SPMIP2: variants seen among roughly 807,000 people sequenced by gnomAD.
The protein encoded by SPMIP2 is protein SPMIP2.
chr4:158,915,700 T>G, the SPMIP2 span, among the ~76,000 whole-genome samples: 1 of 152,204 alleles, frequency 6.6e-6, no homozygotes, highest in Non-Finnish European at 1.5e-5. Flanking sequence ...CCATGTGATC[T>G]CCTGAAGGAC....
the SPMIP2 span, among the ~76,000 whole-genome samples, chr4:158,943,858 C>CTTTCTTTTTT: frequency 1.1e-4 from 11 of 101,912 alleles, no homozygotes; most frequent in African/African-American, 4.3e-4. Context: ...TTGACATTTT[C>CTTTCTTTTTT]TTTTTTTTTT....
chr4:158,918,313 G>C, the SPMIP2 span, among the ~76,000 whole-genome samples: 3 of 152,322 alleles, frequency 2.0e-5, no homozygotes, highest in African/African-American at 7.2e-5. Context: ...AGGCAGCTAT[G>C]TAGGACTGGA....
chr4:158,989,097 AACAG>A, the SPMIP2 span, among the ~76,000 whole-genome samples: 2 of 152,244 alleles, frequency 1.3e-5, no homozygotes, highest in East Asian at 1.9e-4. Context: ...ATAACAGACA[AACAG>A]ACAGCCAAAT....
the SPMIP2 span, among the ~76,000 whole-genome samples, chr4:158,920,533 T>C: frequency 3.8e-3 from 574 of 152,294 alleles, 4 homozygotes; most frequent in African/African-American, 0.013. Context: ...TGAGTGTCTG[T>C]CTTATGCGGT....
the SPMIP2 span, among the ~76,000 whole-genome samples, chr4:159,047,369 T>C: frequency 1.5e-5 from 2 of 135,456 alleles, no homozygotes; most frequent in African/African-American, 5.1e-5. Flanking sequence ...GCAAGACTTT[T>C]CTTGATTAAT....
chr4:159,000,010 A>C, the SPMIP2 span, among the ~76,000 whole-genome samples: 1 of 152,162 alleles, frequency 6.6e-6, no homozygotes, highest in African/African-American at 2.4e-5. Context: ...TTCCTTGGTT[A>C]ACTTCAATTT....
chr4:159,066,205 C>T, the SPMIP2 span, among the ~76,000 whole-genome samples: 1 of 152,060 alleles, frequency 6.6e-6, no homozygotes, highest in Non-Finnish European at 1.5e-5. Flanking sequence ...AAACATTTTG[C>T]CATAAAACAC....
chr4:159,040,936 A>C, the SPMIP2 span, among the ~76,000 whole-genome samples: 2 of 152,318 alleles, frequency 1.3e-5, no homozygotes, highest in African/African-American at 4.8e-5. Context: ...GGGATAATGG[A>C]TGTAAAGTGC....
the SPMIP2 span, among the ~76,000 whole-genome samples, chr4:158,964,249 G>A: frequency 6.6e-6 from 1 of 152,188 alleles, no homozygotes; most frequent in Non-Finnish European, 1.5e-5. Flanking sequence ...GTTGAGAATG[G>A]CCCCTGGCTG....
At chr4:158,907,257 ATTTTATT>A in the SPMIP2 span, 1 of 152,212 alleles carries the variant, frequency 6.6e-6, no homozygotes, top group Non-Finnish European at 1.5e-5. Flanking sequence ...ATTCCAAAGT[ATTTTATT>A]TTTTATCAAT....
the SPMIP2 span, among the ~76,000 whole-genome samples, chr4:158,910,598 T>A: frequency 1.3e-5 from 2 of 152,216 alleles, no homozygotes; most frequent in South Asian, 4.1e-4. Context: ...ATTTCTTAGG[T>A]GAGATTAATA....
At chr4:158,980,396 T>C in the SPMIP2 span, among the ~76,000 whole-genome samples, 4 of 152,216 alleles carry the variant, frequency 2.6e-5, no homozygotes, top group Non-Finnish European at 5.9e-5. Context: ...CTGACCCCCA[T>C]GTCTCCTGAC....
chr4:159,016,816 T>C, the SPMIP2 span, among the ~76,000 whole-genome samples: 1 of 152,278 alleles, frequency 6.6e-6, no homozygotes, highest in Admixed American at 6.5e-5. Flanking sequence ...TCCGTTTCAG[T>C]TGTGTGATTC....
the SPMIP2 span, among the ~76,000 whole-genome samples, chr4:159,066,297 T>C: frequency 0.016 from 2,376 of 152,108 alleles, 80 homozygotes; most frequent in African/African-American, 0.054. Context: ...TGGTGAGTAT[T>C]GGAGTTATGG....
the SPMIP2 span, among the ~76,000 whole-genome samples, chr4:158,930,650 C>T: frequency 4.1e-5 from 4 of 97,486 alleles, no homozygotes; most frequent in Non-Finnish European, 4.0e-5. Context: ...CACTACCATG[C>T]CCAGCTAAAT....
the SPMIP2 span, among the ~76,000 whole-genome samples, chr4:158,997,261 G>A: frequency 2.9e-5 from 4 of 136,980 alleles, no homozygotes; most frequent in East Asian, 6.6e-4. Flanking sequence ...ATGAAGCTTC[G>A]CTCTTGTTGC....
chr4:159,014,514 T>A, the SPMIP2 span, among the ~76,000 whole-genome samples: 3 of 67,416 alleles, frequency 4.4e-5, no homozygotes, highest in South Asian at 4.6e-4. Flanking sequence ...CTGAAACAAA[T>A]TTTTTTTTTA....
At chr4:158,928,671 C>T in the SPMIP2 span, among the ~76,000 whole-genome samples, 1 of 152,138 alleles carries the variant, frequency 6.6e-6, no homozygotes, top group African/African-American at 2.4e-5. Flanking sequence ...GCTCGGGTAC[C>T]CTTCCACACA....
At chr4:158,895,782 G>A in the SPMIP2 span, 1 of 1,612,804 alleles carries the variant, frequency 6.2e-7, no homozygotes, top group Non-Finnish European at 8.5e-7. Context: ...GACTACAGGA[G>A]ATGTACCTTA....
Sources: gnomAD v4.1 joint callset for allele counts (sites outside exome capture counted in the v4.1 genomes callset) on GRCh38, gnomAD v4.1.1 for gene constraint, MANE v1.5 for transcripts, NCBI Gene and HGNC (gene_info 2026-07-23, HGNC 2026-07-21) for gene names.